SIPA1L3: variants seen among roughly 807,000 people sequenced by gnomAD.
SIPA1L3 encodes the protein signal induced proliferation associated 1 like 3.
In SIPA1L3, 59 loss-of-function variants were observed where a neutral mutation model predicts 150.1. That is an observed-to-expected ratio of 0.39 (90% CI 0.32 to 0.49). The LOEUF (loss-of-function observed/expected upper bound fraction) is 0.49. SIPA1L3 is among the 20% of genes least tolerant of loss of function. SIPA1L3 has a pLI of 0.86. For synonymous variants in SIPA1L3, 1,070 were observed against 1,077.6 expected, an observed-to-expected ratio of 0.99 and a Z score of 0.14; for missense variants, 2,211 against 2,489.5, an observed-to-expected ratio of 0.89 and a Z score of 2.38.
intron 3 of SIPA1L3, among the ~76,000 whole-genome samples, chr19:38,085,296 C>T (rs866256403): frequency 7.2e-5 from 11 of 151,746 alleles, no homozygotes; most frequent in Middle Eastern, 6.8e-3. Flanking sequence ...CTGGCTAACA[C>T]GGTGAAACCC....
chr19:38,135,295 A>C (rs1406339891), intron 10 of SIPA1L3, among the ~76,000 whole-genome samples: 3 of 152,140 alleles, frequency 2.0e-5, no homozygotes, highest in Non-Finnish European at 4.4e-5. Flanking sequence ...CCCACATCCC[A>C]GATGGCTCAA....
intron 21 of SIPA1L3, among the ~76,000 whole-genome samples, chr19:38,204,988 T>C (rs944932053): frequency 1.3e-5 from 2 of 152,088 alleles, no homozygotes; most frequent in Admixed American, 1.3e-4. Context: ...TAATAACAAA[T>C]CTATATATTT....
chr19:37,956,137 G>A (rs943841415), intron 1 of SIPA1L3, among the ~76,000 whole-genome samples: 6 of 152,246 alleles, frequency 3.9e-5, no homozygotes, highest in East Asian at 3.9e-4. Context: ...CCACAGGTGC[G>A]TGCCACCGCC....
chr19:38,142,445 CG>C, intron 11 of SIPA1L3, 127 bp from the exon 12 acceptor site: 2 of 1,023,422 alleles, frequency 2.0e-6, no homozygotes, highest in Non-Finnish European at 1.4e-6. Flanking sequence ...TGTGGCTGGG[CG>C]GGGGAAAGTT....
intron 15 of SIPA1L3, among the ~76,000 whole-genome samples, chr19:38,171,159 A>G (rs1274965443): frequency 8.5e-5 from 13 of 152,084 alleles, no homozygotes; most frequent in Admixed American, 8.5e-4. Flanking sequence ...AAGTATGTCT[A>G]TGAATTAGAG....
chr19:37,946,687 A>AG (rs2046714897), intron 1 of SIPA1L3, among the ~76,000 whole-genome samples: 1 of 151,420 alleles, frequency 6.6e-6, no homozygotes, highest in African/African-American at 2.4e-5. Context: ...TTTATCTTTT[A>AG]GTTTTTTTTT....
intron 10 of SIPA1L3, among the ~76,000 whole-genome samples, chr19:38,135,225 T>C (rs1409905687): frequency 6.6e-6 from 1 of 152,100 alleles, no homozygotes; most frequent in Admixed American, 6.5e-5. Context: ...CTCTCTCCAC[T>C]TGGTGGGGGA....
At chr19:37,962,850 G>A (rs2046871681) in intron 1 of SIPA1L3, among the ~76,000 whole-genome samples, 1 of 152,144 alleles carries the variant, frequency 6.6e-6, no homozygotes, top group Admixed American at 6.5e-5. Context: ...AGCAGCTGTG[G>A]ATTCTGATTT....
intron 2 of SIPA1L3, among the ~76,000 whole-genome samples, chr19:38,073,609 C>T (rs1463454695): frequency 6.6e-6 from 1 of 152,152 alleles, no homozygotes; most frequent in Non-Finnish European, 1.5e-5. Flanking sequence ...CCACGCTTGG[C>T]AGTCTGTGGC....
At chr19:38,030,450 T>C (rs1237234739) in intron 2 of SIPA1L3, among the ~76,000 whole-genome samples, 1 of 151,830 alleles carries the variant, frequency 6.6e-6, no homozygotes, top group East Asian at 1.9e-4. Flanking sequence ...TAGTTCCAGC[T>C]ACACTGGGGC....
At chr19:38,182,860 T>C in intron 16 of SIPA1L3, 120 bp downstream of exon 16, 4 of 742,010 alleles carry the variant, frequency 5.4e-6, no homozygotes, top group Non-Finnish European at 6.5e-6. Context: ...AGTGTACCAG[T>C]GTACACACTG....
intron 1 of SIPA1L3, among the ~76,000 whole-genome samples, chr19:37,982,807 C>G (rs533743130): frequency 6.6e-6 from 1 of 152,280 alleles, no homozygotes; most frequent in South Asian, 2.1e-4. Context: ...GCTGGACAAC[C>G]TGGGCTTTCC....
At chr19:38,191,579 G>A (rs1220594514) in intron 16 of SIPA1L3, among the ~76,000 whole-genome samples, 5 of 152,046 alleles carry the variant, frequency 3.3e-5, no homozygotes, top group African/African-American at 7.2e-5. Flanking sequence ...TTGGGGGGCC[G>A]AGGCGGGTGG....
intron 2 of SIPA1L3, among the ~76,000 whole-genome samples, chr19:38,074,966 T>C (rs1163883102): frequency 6.6e-6 from 1 of 152,162 alleles, no homozygotes; most frequent in Non-Finnish European, 1.5e-5. Flanking sequence ...ACTCCTGGGC[T>C]CAAACAGTCC....
intron 2 of SIPA1L3, among the ~76,000 whole-genome samples, chr19:38,060,778 G>A (rs1969428429): frequency 1.3e-5 from 2 of 152,290 alleles, no homozygotes; most frequent in African/African-American, 4.8e-5. Flanking sequence ...CACAGCCTCT[G>A]CCTCCCGGGT....
intron 1 of SIPA1L3, among the ~76,000 whole-genome samples, chr19:37,976,104 TAAAA>T (rs374630193): frequency 1.7e-5 from 2 of 120,324 alleles, no homozygotes; most frequent in Non-Finnish European, 3.6e-5. Context: ...GGCTCTGTCT[TAAAA>T]AAAAAAAAAA....
intron 12 of SIPA1L3, among the ~76,000 whole-genome samples, chr19:38,147,314 C>G (rs1307879124): frequency 6.6e-6 from 1 of 152,174 alleles, no homozygotes; most frequent in East Asian, 1.9e-4. Context: ...ACTCTCCTGC[C>G]TTGGCCTCCC....
At chr19:38,014,731 G>T (rs938075129) in intron 1 of SIPA1L3, among the ~76,000 whole-genome samples, 5 of 150,410 alleles carry the variant, frequency 3.3e-5, no homozygotes, top group Non-Finnish European at 5.9e-5. Flanking sequence ...GTGCAGTGGC[G>T]CAATCTCGGC....
At chr19:37,937,240 A>AT (rs2046608514) in intron 1 of SIPA1L3, among the ~76,000 whole-genome samples, 1 of 152,114 alleles carries the variant, frequency 6.6e-6, no homozygotes, top group South Asian at 2.1e-4. Flanking sequence ...ATACACTGGC[A>AT]TTTTTGGTCC....
Sources: gnomAD v4.1 joint callset for allele counts (sites outside exome capture counted in the v4.1 genomes callset) on GRCh38, gnomAD v4.1.1 for gene constraint, MANE v1.5 for transcripts, NCBI Gene and HGNC (gene_info 2026-07-23, HGNC 2026-07-21) for gene names.